Variants in MAPK8 observed in about 807,000 individuals in gnomAD.
The protein encoded by MAPK8 is JUN N-terminal kinase.
Under a neutral mutation model 52.9 loss-of-function variants are expected in MAPK8, and 13 were observed. The observed-to-expected ratio is 0.25, with a 90% confidence interval of 0.16 to 0.39. MAPK8 has a LOEUF of 0.39. Among genes scored for constraint, MAPK8 ranks in the 10% least tolerant of loss-of-function variants. The pLI is 1.00. For synonymous variants in MAPK8, 191 were observed against 169.8 expected, an observed-to-expected ratio of 1.12 and a Z score of -0.97; for missense variants, 300 against 519.2, an observed-to-expected ratio of 0.58 and a Z score of 4.10.
At chr10:48,353,178 A>G (rs889256125) in intron 1 of MAPK8, among the ~76,000 whole-genome samples, 1 of 152,202 alleles carries the variant, frequency 6.6e-6, no homozygotes, top group African/African-American at 2.4e-5. Flanking sequence ...CCTAAAATAG[A>G]TGTAATACAA....
chr10:48,426,541 A>G (rs746728450), intron 9 of MAPK8, 37 bp downstream of exon 9: 3 of 1,582,072 alleles, frequency 1.9e-6, no homozygotes, highest in Non-Finnish European at 2.6e-6. Flanking sequence ...AACATATTGC[A>G]TTCTTAGAGT....
chr10:48,418,788 C>T (rs2043196902), intron 5 of MAPK8, among the ~76,000 whole-genome samples: 1 of 151,940 alleles, frequency 6.6e-6, no homozygotes, highest in Admixed American at 6.6e-5. Context: ...CTTTTTTTGA[C>T]AATTTTTTTG....
chr10:48,392,752 A>G (rs1006658381), intron 1 of MAPK8, among the ~76,000 whole-genome samples: 2 of 152,030 alleles, frequency 1.3e-5, no homozygotes, highest in Admixed American at 6.6e-5. Context: ...ATGCTATATC[A>G]TATATACTAT....
At chr10:48,391,765 C>A (rs1341142315) in intron 1 of MAPK8, among the ~76,000 whole-genome samples, 1 of 152,200 alleles carries the variant, frequency 6.6e-6, no homozygotes, top group Non-Finnish European at 1.5e-5. Context: ...AGTCTCAGGT[C>A]TGGAACTTCT....
intron 1 of MAPK8, among the ~76,000 whole-genome samples, chr10:48,324,503 G>GTTTTTTTTTTTTTGTTTTTTTTT (rs529248037): frequency 9.3e-5 from 11 of 118,018 alleles, no homozygotes; most frequent in African/African-American, 3.9e-4. Flanking sequence ...CTGTTTTCTA[G>GTTTTTTTTTTTTTGTTTTTTTTT]TTTTTTTTTT....
chr10:48,401,127 C>T (rs999399454), intron 1 of MAPK8, among the ~76,000 whole-genome samples: 16 of 152,180 alleles, frequency 1.1e-4, no homozygotes, highest in African/African-American at 1.4e-4. Flanking sequence ...GCAAGGATGA[C>T]ACATGCTAGT....
intron 1 of MAPK8, among the ~76,000 whole-genome samples, chr10:48,394,382 G>A (rs899943550): frequency 6.6e-6 from 1 of 151,798 alleles, no homozygotes; most frequent in Non-Finnish European, 1.5e-5. Context: ...TACATAAAAA[G>A]GATAATATTT....
intron 1 of MAPK8, among the ~76,000 whole-genome samples, chr10:48,318,256 C>A (rs747708210): frequency 6.6e-6 from 1 of 152,082 alleles, no homozygotes; most frequent in Non-Finnish European, 1.5e-5. Flanking sequence ...GAGGCCTACC[C>A]ACGGTATCAA....
chr10:48,385,603 T>TA (rs1449308375), intron 1 of MAPK8, among the ~76,000 whole-genome samples: 1 of 151,842 alleles, frequency 6.6e-6, no homozygotes, highest in Non-Finnish European at 1.5e-5. Context: ...TTGTTGGTAG[T>TA]AAAAAATGAG....
intron 1 of MAPK8, among the ~76,000 whole-genome samples, chr10:48,355,401 C>G (rs1846796585): frequency 6.7e-6 from 1 of 148,930 alleles, no homozygotes; most frequent in South Asian, 2.1e-4. Context: ...CCCAGCAGCT[C>G]GGGAGGCTGA....
intron 11 of MAPK8, among the ~76,000 whole-genome samples, chr10:48,431,859 G>C (rs536595288): frequency 6.6e-6 from 1 of 152,278 alleles, no homozygotes; most frequent in African/African-American, 2.4e-5. Context: ...CAGGTAACAT[G>C]TACACTAAGT....
intron 1 of MAPK8, among the ~76,000 whole-genome samples, chr10:48,353,715 A>C (rs1408605711): frequency 6.6e-6 from 1 of 152,244 alleles, no homozygotes; most frequent in African/African-American, 2.4e-5. Flanking sequence ...ATGTATATGC[A>C]ACTAATCAGA....
At position 48,338,614 on chromosome 10, in the gene MAPK8, T is replaced by C. The variant is rs572774027; in HGVS notation, c.-50+31793T>C. 2.6e-4 allele frequency among the ~76,000 whole-genome samples: 40 copies of C among 152,138 alleles called. 2 individuals are homozygous for C. In the South Asian group the frequency reaches 7.9e-3, roughly 30 times the overall value. On this transcript the variant is annotated intron_variant, in intron 1 of 11. Coordinates refer to ENST00000374189, the MANE Select transcript of MAPK8 (RefSeq NM_001323329.2). ...ACAAAAGAAATAAAAGATGTCCAAATAGGCAAAGAGGAAGTCAAATTATAT... is the reference window on the plus strand; with the variant it reads ...ACAAAAGAAATAAAAGATGTCCAAACAGGCAAAGAGGAAGTCAAATTATAT...
chr10:48,326,753 A>G (rs758635996), intron 1 of MAPK8, among the ~76,000 whole-genome samples: 11 of 152,158 alleles, frequency 7.2e-5, no homozygotes, highest in African/African-American at 1.4e-4. Flanking sequence ...ACTCTAATCT[A>G]TTACCATACG....
intron 1 of MAPK8, among the ~76,000 whole-genome samples, chr10:48,323,472 G>A (rs569003175): frequency 1.3e-5 from 2 of 152,288 alleles, no homozygotes; most frequent in South Asian, 2.1e-4. Context: ...ATAAATCTGC[G>A]CAGCCAGTAG....
intron 2 of MAPK8, among the ~76,000 whole-genome samples, chr10:48,402,955 G>C (rs1231658071): frequency 6.6e-6 from 1 of 152,122 alleles, no homozygotes; most frequent in Non-Finnish European, 1.5e-5. Context: ...GTAGTGCTGG[G>C]CTTCAAAGCA....
intron 1 of MAPK8, among the ~76,000 whole-genome samples, chr10:48,400,269 T>C (rs1247968024): frequency 6.6e-6 from 1 of 152,246 alleles, no homozygotes; most frequent in Non-Finnish European, 1.5e-5. Context: ...TTAGTGATTT[T>C]AGAAATGTTT....
chr10:48,424,454 T>C, intron 7 of MAPK8: 1 of 1,118,448 alleles, frequency 8.9e-7, no homozygotes, highest in Admixed American at 2.3e-5. Context: ...TTTATTTCTT[T>C]CTTTTTTTTT....
In MAPK8 at chr10:48,400,694, C is replaced by T. The variant is rs78585144; in HGVS notation, c.-49-918C>T. 5.3e-3 allele frequency among the ~76,000 whole-genome samples: 813 copies of T among 152,234 alleles called. 7 individuals are homozygous for T. The highest frequency in any genetic ancestry group is 0.019 in the African/African-American group (784 of 41,538). ...CTTGGGGGTTAGCATTATCTTAAAA[C>T]CACAAAAAACAATAACTTTAGACCT... is the stretch of plus-strand genomic sequence containing the variant. On this transcript the variant is annotated intron_variant, in intron 1 of 11. Coordinates refer to ENST00000374189, the MANE Select transcript of MAPK8 (RefSeq NM_001323329.2).
Sources: gnomAD v4.1 joint callset for allele counts (sites outside exome capture counted in the v4.1 genomes callset) on GRCh38, gnomAD v4.1.1 for gene constraint, MANE v1.5 for transcripts, NCBI Gene and HGNC (gene_info 2026-07-23, HGNC 2026-07-21) for gene names.